The following TMEM230 variants were observed in gnomAD, a reference collection of about 807,000 sequenced individuals.
TMEM230 encodes transmembrane protein 230.
Under a neutral mutation model 15.8 loss-of-function variants are expected in TMEM230, and 10 were observed. That is an observed-to-expected ratio of 0.63 (90% CI 0.39 to 1.07). The LOEUF is 1.07. Ranked by LOEUF, TMEM230 falls within the 50% of genes least tolerant of loss-of-function variation. TMEM230 has a pLI of 0.01. For synonymous variants in TMEM230, 67 were observed against 76.9 expected (o/e 0.87, Z 0.68); for missense variants, 165 against 193.3 (o/e 0.85, Z 0.87).
chr20:5,078,186 G>T (rs573965603), intron 3 of TMEM230, among the ~76,000 whole-genome samples: 1 of 151,970 alleles, frequency 6.6e-6, no homozygotes, highest in African/African-American at 2.4e-5. Context: ...AGACGCCCAG[G>T]GACCCATGCT....
intron 3 of TMEM230, among the ~76,000 whole-genome samples, chr20:5,090,424 A>G (rs2089474717): frequency 6.6e-6 from 1 of 152,212 alleles, no homozygotes; most frequent in African/African-American, 2.4e-5. Context: ...GCAGGAAGCC[A>G]GAAGGCACTA....
chr20:5,072,806 G>A (rs144758324), intron 3 of TMEM230, among the ~76,000 whole-genome samples: 1,595 of 127,976 alleles, frequency 0.012, 15 homozygotes, highest in Non-Finnish European at 0.018. Context: ...CCGAGATCAC[G>A]CCATTGCACT....
chr20:5,088,477 A>C (rs1421244395), intron 3 of TMEM230, among the ~76,000 whole-genome samples: 1 of 152,062 alleles, frequency 6.6e-6, no homozygotes, highest in Admixed American at 6.6e-5. Context: ...ATGGGGAAGC[A>C]ATCAGGTGGT....
At chr20:5,105,293 T>C (rs1489220960) in intron 4 of TMEM230, among the ~76,000 whole-genome samples, 2 of 149,432 alleles carry the variant, frequency 1.3e-5, no homozygotes, top group Admixed American at 6.7e-5. Context: ...CTCCAAAATA[T>C]ATATATATGT....
the TMEM230 span, among the ~76,000 whole-genome samples, chr20:5,060,167 C>T: frequency 6.6e-6 from 1 of 152,140 alleles, no homozygotes; most frequent in African/African-American, 2.4e-5. Flanking sequence ...CCGCCTTGGC[C>T]TCCCACAATG....
chr20:5,074,856 C>T (rs2088939128), intron 3 of TMEM230, among the ~76,000 whole-genome samples: 1 of 152,118 alleles, frequency 6.6e-6, no homozygotes, highest in Non-Finnish European at 1.5e-5. Context: ...TAAAGACAGG[C>T]CTTGCTATGC....
chr20:5,071,880 C>T (rs1378658070), intron 3 of TMEM230, among the ~76,000 whole-genome samples: 1 of 151,740 alleles, frequency 6.6e-6, no homozygotes, highest in Non-Finnish European at 1.5e-5. Flanking sequence ...GCTGCGATTA[C>T]AGGTGTGTGC....
Position 5,100,334 on chromosome 20 carries a change from G to A in TMEM230, c.*457C>T. ...CTCACTGATCTTTGATTTTACTAAG[G>A]TCTTCCACTGGAACATGAAGGTAGG... On this transcript the variant is annotated 3_prime_UTR_variant, in exon 5 of 5. Coordinates refer to ENST00000342308, the MANE Select transcript of TMEM230 (RefSeq NM_001009923.2). 1.0e-6 allele frequency: 1 copy of A among 985,426 alleles called. No homozygotes were observed. Among genetic ancestry groups the A allele is most frequent in the Non-Finnish European group, 1.2e-6 (1 of 829,964 alleles). 61.0% of individuals were successfully genotyped at this position (985,426 alleles called of 1,614,324 possible). A position where few individuals can be genotyped will look rare whatever the true frequency, so the allele number is the denominator to read the frequency against.
intron 4 of TMEM230, among the ~76,000 whole-genome samples, chr20:5,102,022 A>G (rs2089890208): frequency 6.6e-6 from 1 of 152,154 alleles, no homozygotes; most frequent in South Asian, 2.1e-4. Flanking sequence ...ACAGCCCTTT[A>G]CCAATCAGGA....
In TMEM230 at chr20:5,113,068, G is replaced by T. The variant is rs768455565; in HGVS notation, c.-40C>A. 1 of 1,539,298 alleles carries T rather than the reference G, an allele frequency of 6.5e-7. No individual in the cohort carries two copies. The highest frequency in any genetic ancestry group is 1.2e-5 in the South Asian group (1 of 83,862). ...AAGTGCCACTCAGCCGGCCCCAGGCGGGATCAGTGCGCCGGAAGTGGCGTG... is the reference window on the plus strand; with the variant it reads ...AAGTGCCACTCAGCCGGCCCCAGGCTGGATCAGTGCGCCGGAAGTGGCGTG... On this transcript the variant is annotated 5_prime_UTR_variant, in exon 1 of 5. Transcript: ENST00000342308.
chr20:5,104,657 T>C (rs1293172101), intron 4 of TMEM230, among the ~76,000 whole-genome samples: 3 of 152,190 alleles, frequency 2.0e-5, no homozygotes, highest in Admixed American at 6.6e-5. Context: ...AAAGAAAATA[T>C]GGTACATATA....
chr20:5,074,311 A>G (rs997033699), intron 3 of TMEM230, among the ~76,000 whole-genome samples: 1 of 152,116 alleles, frequency 6.6e-6, no homozygotes, highest in African/African-American at 2.4e-5. Flanking sequence ...GAGTAGAATA[A>G]CGCTTAATCA....
In TMEM230 at chr20:5,100,525, T is replaced by C. The variant is rs543176486; in HGVS notation, c.*266A>G. ...AGAGGGTGGTGGCAGGCAACACTTT[T>C]CCATTACAGAATAACCTCTATTCTT... On this transcript the variant is annotated 3_prime_UTR_variant, in exon 5 of 5. Transcript: ENST00000342308. 1.0e-5 allele frequency: 12 copies of C among 1,176,140 alleles called. No individual in the cohort carries two copies. In the African/African-American group the frequency reaches 1.6e-4, roughly 15 times the overall value. 72.9% of individuals were successfully genotyped at this position (1,176,140 alleles called of 1,614,324 possible).
chr20:5,103,959 A>C (rs1463632655), intron 4 of TMEM230, among the ~76,000 whole-genome samples: 4 of 152,176 alleles, frequency 2.6e-5, no homozygotes, highest in Non-Finnish European at 5.9e-5. Flanking sequence ...TCCGGTTAAA[A>C]AGCTTCTGTA....
At chr20:5,075,950 T>C (rs942325215) in intron 3 of TMEM230, among the ~76,000 whole-genome samples, 2 of 151,216 alleles carry the variant, frequency 1.3e-5, no homozygotes, top group South Asian at 2.1e-4. Context: ...CAAAAATATA[T>C]ATACAAAAAT....
At chr20:5,063,433 G>C (rs1354663528), downstream of TMEM230, among the ~76,000 whole-genome samples, 1 of 151,812 alleles carries the variant, frequency 6.6e-6, no homozygotes, top group African/African-American at 2.4e-5. Flanking sequence ...GATTACAGGG[G>C]TGCACCACCG....
chr20:5,065,689 G>A (rs573585868), downstream of TMEM230, among the ~76,000 whole-genome samples: 79 of 152,334 alleles, frequency 5.2e-4, 1 homozygote, highest in African/African-American at 1.9e-3. Context: ...TAAGGCCAGG[G>A]CCTGTCTAAC....
intron 4 of TMEM230, among the ~76,000 whole-genome samples, chr20:5,104,217 A>C (rs2122758094): frequency 6.6e-6 from 1 of 152,364 alleles, no homozygotes; most frequent in Middle Eastern, 3.4e-3. Context: ...ATCTCATCCT[A>C]GTTAAAATGG....
chr20:5,102,688 C>CAAAA (rs58106156), intron 4 of TMEM230, among the ~76,000 whole-genome samples: 9 of 82,978 alleles, frequency 1.1e-4, no homozygotes, highest in East Asian at 7.0e-4. Flanking sequence ...GACCCTGTCT[C>CAAAA]AAAAAAAAAA....
Sources: allele counts gnomAD v4.1 joint callset (sites outside exome capture counted in the v4.1 genomes callset), GRCh38; gene constraint gnomAD v4.1.1; transcripts MANE v1.5; gene names NCBI Gene and HGNC (gene_info 2026-07-23, HGNC 2026-07-21).